PPRC1: variants seen among roughly 807,000 people sequenced by gnomAD.
The protein encoded by PPRC1 is peroxisome proliferator-activated receptor gamma coactivator-related protein 1.
A neutral mutation model predicts 132.5 loss-of-function variants in PPRC1; 23 were observed. That is an observed-to-expected ratio of 0.17 (90% CI 0.12 to 0.25). The LOEUF (loss-of-function observed/expected upper bound fraction) is 0.25. Among genes scored for constraint, PPRC1 ranks in the 10% least tolerant of loss-of-function variants. PPRC1 has a pLI of 1.00. For missense variants in PPRC1, 2,006 were observed against 2,089.1 expected (o/e 0.96, Z 0.78); for synonymous variants, 872 against 833.5 (o/e 1.05, Z -0.80).
intron 12 of PPRC1, 106 bp downstream of exon 12, chr10:102,149,044 C>T (rs981132302): frequency 5.2e-6 from 8 of 1,537,236 alleles, no homozygotes; most frequent in African/African-American, 2.8e-5. Context: ...ATATGGGGCA[C>T]CTTCATTTCT....
At chr10:102,142,240 C>G (rs1162137356) in intron 5 of PPRC1, among the ~76,000 whole-genome samples, 1 of 148,892 alleles carries the variant, frequency 6.7e-6, no homozygotes, top group African/African-American at 2.5e-5. Context: ...GTAGCTGGGA[C>G]TACAGGTGCC....
chr10:102,139,586 G>C lies in PPRC1; in HGVS notation c.1078G>C (p.Glu360Gln). 6.2e-7 allele frequency: 1 copy of C among 1,613,912 alleles called. No individual in the cohort carries two copies. The highest frequency in any genetic ancestry group is 8.5e-7 in the Non-Finnish European group (1 of 1,179,966). ...GGCAGCCACAGCTGGCGATGACCTG[G>C]AGATCCCAGTTGTGGTGCGACAGGT... is the stretch of plus-strand genomic sequence containing the variant. ...GQAATAGDDL[E>Q]IPVVVRQVSP... Residue 360 changes from glutamate (E) to glutamine (Q), a missense_variant, in exon 5 of 14, where the codon GAG becomes CAG. Physicochemically the swap from Glu to Gln is conservative, Grantham distance 29. Around this residue, in one of 2 missense-constraint regions of PPRC1, gnomAD observed 1,914 missense variants for 1,917.2 expected, o/e 1.00. Transcript: ENST00000278070.
intron 1 of PPRC1, among the ~76,000 whole-genome samples, chr10:102,133,853 C>T (rs2068618766): frequency 6.6e-6 from 1 of 151,800 alleles, no homozygotes; most frequent in Non-Finnish European, 1.5e-5. Context: ...GTAAGGGCTG[C>T]TAGAGTCAAC....
In PPRC1 at chr10:102,150,069, G is replaced by T. The variant is rs769025617; in HGVS notation, c.*40G>T. 5 of 1,478,236 alleles carry T rather than the reference G, an allele frequency of 3.4e-6. No individual in the cohort carries two copies. In the South Asian group the frequency reaches 5.7e-5, roughly 17 times the overall value. The allele number at this position is 1,478,236 out of a possible 1,614,324, so 91.6% of individuals were successfully genotyped here. On this transcript the variant is annotated 3_prime_UTR_variant, in exon 14 of 14. Coordinates refer to ENST00000278070, the MANE Select transcript of PPRC1 (RefSeq NM_015062.5). ...CTGCTATCCTTTTTCTCCTTTGGAG[G>T]TGCCCAACCTCCTCCACCCCCTTCC...
upstream of PPRC1, among the ~76,000 whole-genome samples, chr10:102,131,205 A>G (rs2068536288): frequency 2.7e-5 from 4 of 150,734 alleles, no homozygotes; most frequent in South Asian, 8.4e-4. Flanking sequence ...AAAAAAAAAA[A>G]AAAAAAATTA....
chr10:102,149,244 C>T lies in PPRC1; in HGVS notation c.4806C>T (p.His1602=). 1 of 1,612,386 alleles carries T rather than the reference C, an allele frequency of 6.2e-7. No homozygotes were observed. Among genetic ancestry groups the T allele is most frequent in the Non-Finnish European group, 8.5e-7 (1 of 1,179,224 alleles). Residue 1602 remains histidine (H), a synonymous_variant, in exon 13 of 14, where the codon CAC becomes CAT. Coordinates refer to ENST00000278070, the MANE Select transcript of PPRC1 (RefSeq NM_015062.5). The part of the protein sequence containing the change: ...EEAFAAIESG[H]KLRQADEQPF... The stretch of plus-strand genomic sequence containing the variant: ...CATTTGCAGCCATTGAGAGTGGCCA[C>T]AAGCTGCGGCAGGCAGATGAGCAGC...
chr10:102,147,420 C>T (rs1275702880), intron 9 of PPRC1, 28 bp downstream of exon 9: 1 of 1,573,308 alleles, frequency 6.4e-7, no homozygotes, highest in Admixed American at 1.8e-5. Flanking sequence ...TGTAGGTCCT[C>T]TCCATTTAGG....
intron 7 of PPRC1, 127 bp from the exon 8 acceptor site, chr10:102,144,893 G>A (rs1206700819): frequency 1.3e-6 from 1 of 747,542 alleles, no homozygotes; most frequent in East Asian, 2.7e-5. Context: ...GGAAGAAGAT[G>A]ATGGAGGCAG....
At chr10:102,132,425 T>C (rs1488456252), upstream of PPRC1, among the ~76,000 whole-genome samples, 1 of 152,196 alleles carries the variant, frequency 6.6e-6, no homozygotes. Flanking sequence ...GTATTCCAGG[T>C]CGACATATAG....
At chr10:102,120,552 G>C in the PPRC1 span, 1 of 228,512 alleles carries the variant, frequency 4.4e-6, no homozygotes, top group Non-Finnish European at 7.3e-6. Context: ...GGAGGGGAGA[G>C]CCGTGTCAAA....
chr10:102,129,628 G>C (rs998721655), upstream of PPRC1, among the ~76,000 whole-genome samples: 1 of 151,730 alleles, frequency 6.6e-6, no homozygotes, highest in Non-Finnish European at 1.5e-5. Context: ...TTTTGAGATG[G>C]AGTCTCGCCC....
intron 6 of PPRC1, among the ~76,000 whole-genome samples, chr10:102,143,898 C>CGGAA (rs2069108810): frequency 2.6e-5 from 4 of 152,302 alleles, no homozygotes; most frequent in African/African-American, 9.6e-5. Context: ...GAAATGATTC[C>CGGAA]TGAGTTGGTA....
chr10:102,144,792 A>G (rs1312155101), intron 7 of PPRC1: 11 of 548,276 alleles, frequency 2.0e-5, no homozygotes, highest in Non-Finnish European at 3.3e-5. Flanking sequence ...GGTGGGGGGT[A>G]TTCAAGGTCA....
chr10:102,122,637 T>G, the PPRC1 span, among the ~76,000 whole-genome samples: 12,222 of 152,026 alleles, frequency 0.08, 618 homozygotes, highest in African/African-American at 0.14. Flanking sequence ...CTAAGGCCAC[T>G]CATTCCAAAC....
chr10:102,148,374 C>A lies in PPRC1; in HGVS notation c.4403C>A (p.Ser1468Tyr). 1 of 1,612,916 alleles carries A rather than the reference C, an allele frequency of 6.2e-7. No homozygotes were observed. The highest frequency in any genetic ancestry group is 8.5e-7 in the Non-Finnish European group (1 of 1,179,836). ...CTGCATGCCCTCTTATCCTTCAGGT[C>A]CAGCTGTAGTTCCTCTGGACGTTCT... ...LSPPHKRWRRSSCSSSGRSRR... is the reference protein window; with the variant it reads ...LSPPHKRWRRYSCSSSGRSRR... The change falls in exon 10 of 14, where the codon TCC (serine) becomes TAC (tyrosine). Residue 1468 changes from serine (S) to tyrosine (Y), a missense_variant and splice_region_variant. Physicochemically the swap from Ser to Tyr is moderately radical, Grantham distance 144. Coordinates refer to ENST00000278070, the MANE Select transcript of PPRC1 (RefSeq NM_015062.5). This position sits in a 1 kb window ranked among gnomAD's most constrained non-coding sequence, Gnocchi z 4.2.
chr10:102,123,391 A>C, the PPRC1 span, among the ~76,000 whole-genome samples: 2 of 146,026 alleles, frequency 1.4e-5, no homozygotes, highest in Non-Finnish European at 3.0e-5. Flanking sequence ...GGTGGAGTCT[A>C]TGTGGAGGGG....
At position 102,141,506 on chromosome 10, in the gene PPRC1, C is replaced by A; in HGVS notation, c.2998C>A (p.Pro1000Thr). 6.2e-7 allele frequency: 1 copy of A among 1,614,018 alleles called. No individual in the cohort carries two copies. The highest frequency in any genetic ancestry group is 1.1e-5 in the South Asian group (1 of 91,078). ...TCCATTCTGGTCTACTGTTCCCCCA[C>A]CTCCTTTGCCTCCAGCCTCCATTGG... ...HAPFWSTVPP[P>T]PLPPASIGRA... is the part of the protein sequence containing the mutation. The change falls in exon 5 of 14, where the codon CCT becomes ACT. Residue 1000 changes from proline to threonine, a missense_variant. Pro to Thr is a conservative substitution (Grantham distance 38). This residue lies in a region of PPRC1 where 1,914 missense variants were observed against 1,917.2 expected (regional missense o/e 1.00). Coordinates refer to ENST00000278070, the MANE Select transcript of PPRC1 (RefSeq NM_015062.5).
the PPRC1 span, among the ~76,000 whole-genome samples, chr10:102,127,335 C>G: frequency 6.6e-6 from 1 of 151,948 alleles, no homozygotes; most frequent in African/African-American, 2.4e-5. Flanking sequence ...GACCACGCCA[C>G]TGCACTCCAG....
chr10:102,128,818 G>T (rs2068500221), upstream of PPRC1, among the ~76,000 whole-genome samples: 5 of 149,620 alleles, frequency 3.3e-5, no homozygotes, highest in Admixed American at 2.0e-4. Context: ...GTTTCACCAT[G>T]TTAGCCAGGA....
Sources: gnomAD v4.1 joint callset for allele counts (sites outside exome capture counted in the v4.1 genomes callset) on GRCh38, gnomAD v4.1.1 for gene constraint, gnomAD v4.1.1 regional missense constraint, Gnocchi (gnomAD v3.1) non-coding constraint, MANE v1.5 for transcripts, NCBI Gene and HGNC (gene_info 2026-07-23, HGNC 2026-07-21) for gene names.